Variants in PLEKHA7 observed in about 807,000 individuals in gnomAD.
The protein encoded by PLEKHA7 is pleckstrin homology domain containing A7.
Under a neutral mutation model 170.0 loss-of-function variants are expected in PLEKHA7, and 104 were observed. The ratio of observed to expected loss-of-function variants is 0.61; its 90% CI spans 0.52 to 0.72. The LOEUF is 0.72. Among genes scored for constraint, PLEKHA7 ranks in the 30% least tolerant of loss-of-function variants. The pLI is 0.00. For missense variants in PLEKHA7, 1,615 were observed against 1,671.7 expected (o/e 0.97, Z 0.59); for synonymous variants, 648 against 660.8 (o/e 0.98, Z 0.30).
At chr11:16,905,525 ACTT>A (rs1857602436) in intron 3 of PLEKHA7, among the ~76,000 whole-genome samples, 1 of 152,148 alleles carries the variant, frequency 6.6e-6, no homozygotes, top group Admixed American at 6.5e-5. Context: ...CTCCAAGCTG[ACTT>A]CTTTGCAGCA....
chr11:16,996,005 C>T (rs1167306737), intron 3 of PLEKHA7, among the ~76,000 whole-genome samples: 2 of 152,134 alleles, frequency 1.3e-5, no homozygotes, highest in African/African-American at 2.4e-5. Context: ...AGAGTCCCTG[C>T]AGAAGTCAAG....
At chr11:16,947,598 A>C (rs1244358153) in intron 3 of PLEKHA7, among the ~76,000 whole-genome samples, 1 of 140,908 alleles carries the variant, frequency 7.1e-6, no homozygotes, top group African/African-American at 2.6e-5. Flanking sequence ...CTAAAAAAAA[A>C]AAAAAGAAAG....
At chr11:16,991,940 G>A (rs1465526787) in intron 3 of PLEKHA7, among the ~76,000 whole-genome samples, 1 of 152,188 alleles carries the variant, frequency 6.6e-6, no homozygotes, top group African/African-American at 2.4e-5. Flanking sequence ...TCTGATTCTG[G>A]ATAAATTTCA....
intron 16 of PLEKHA7, 105 bp downstream of exon 16, chr11:16,801,563 G>T: frequency 1.4e-6 from 2 of 1,393,304 alleles, no homozygotes; most frequent in Non-Finnish European, 2.0e-6. Context: ...GCTATTTCAG[G>T]ACTCTTGCCT....
rs1565175918 is a variant in PLEKHA7, at chr11:16,980,000, C to A, written c.221+33989G>T. On this transcript the variant is annotated intron_variant, in intron 3 of 26. Transcript: ENST00000531066. ...GAGAAGCAAGGGGTCCTGCCACAGGCAGACTAGAGGGAGGCAAAAATGGGT... is the reference window on the plus strand; with the variant it reads ...GAGAAGCAAGGGGTCCTGCCACAGGAAGACTAGAGGGAGGCAAAAATGGGT... 2.0e-5 allele frequency among the ~76,000 whole-genome samples: 3 copies of A among 152,292 alleles called. No individual in the cohort carries two copies. In the South Asian group the frequency reaches 6.2e-4, roughly 32 times the overall value.
At chr11:16,956,033 G>A (rs978238148) in intron 3 of PLEKHA7, among the ~76,000 whole-genome samples, 1 of 152,198 alleles carries the variant, frequency 6.6e-6, no homozygotes, top group African/African-American at 2.4e-5. Flanking sequence ...TTAGGGATGA[G>A]TATGGTAAGT....
At chr11:16,980,084 T>C (rs965546169) in intron 3 of PLEKHA7, among the ~76,000 whole-genome samples, 12 of 152,230 alleles carry the variant, frequency 7.9e-5, no homozygotes, top group Non-Finnish European at 1.5e-5. Flanking sequence ...AAGGAACCCC[T>C]ACTTAGACCT....
intron 3 of PLEKHA7, among the ~76,000 whole-genome samples, chr11:16,971,604 A>G (rs987151694): frequency 6.6e-5 from 10 of 152,330 alleles, no homozygotes; most frequent in African/African-American, 2.4e-4. Context: ...GACATATCCA[A>G]GTTCAGTTGA....
chr11:16,790,840 G>T lies in PLEKHA7; in HGVS notation c.3010C>A (p.Leu1004Ile). The T allele has an allele frequency of 6.2e-7, 1 of 1,609,962 alleles. No individual in the cohort carries two copies. Among genetic ancestry groups the T allele is most frequent in the East Asian group, 2.2e-5 (1 of 44,662 alleles). ...SGDMAQPSLG[L>I]VGPESRYQTL... The stretch of plus-strand genomic sequence containing the variant: ...TGGTACCTGCTCTCAGGGCCCACAA[G>T]TCCTAGGGAGGGCTGGGCCATGTCC... The change falls in exon 21 of 27, where the codon CTT (leucine) becomes ATT (isoleucine). Residue 1004 changes from leucine (L) to isoleucine (I), a missense_variant. Coordinates refer to ENST00000531066, the MANE Select transcript of PLEKHA7 (RefSeq NM_001329630.2).
intron 3 of PLEKHA7, among the ~76,000 whole-genome samples, chr11:16,966,256 G>A (rs1028297614): frequency 2.6e-5 from 4 of 151,936 alleles, no homozygotes; most frequent in Admixed American, 2.6e-4. Context: ...GAGGACAGAT[G>A]CAGAAATGGG....
chr11:16,941,046 C>G (rs1860662700), intron 3 of PLEKHA7, among the ~76,000 whole-genome samples: 1 of 152,156 alleles, frequency 6.6e-6, no homozygotes, highest in Admixed American at 6.5e-5. Flanking sequence ...GCACTTACCT[C>G]CAAGAAATAA....
At chr11:16,795,597 C>T (rs1326624458) in intron 17 of PLEKHA7, among the ~76,000 whole-genome samples, 1 of 151,978 alleles carries the variant, frequency 6.6e-6, no homozygotes, top group Admixed American at 6.6e-5. Context: ...TGAGACCAGC[C>T]TGGCCAACAT....
intron 23 of PLEKHA7, chr11:16,788,824 C>T (rs1007710472): frequency 3.9e-5 from 21 of 542,476 alleles, no homozygotes; most frequent in Admixed American, 6.5e-5. Context: ...CTGCAAAGGC[C>T]CCTCTCCATC....
intron 3 of PLEKHA7, among the ~76,000 whole-genome samples, chr11:16,906,828 C>T (rs1444523455): frequency 7.3e-6 from 1 of 136,206 alleles, no homozygotes; most frequent in Non-Finnish European, 1.5e-5. Context: ...GCTGCCCAGT[C>T]TGGAAAGTGA....
chr11:16,793,975 G>A (rs1343628242), intron 19 of PLEKHA7, among the ~76,000 whole-genome samples: 2 of 152,214 alleles, frequency 1.3e-5, no homozygotes, highest in African/African-American at 2.4e-5. Context: ...GTGGAATGGG[G>A]ATACTGCTCT....
intron 8 of PLEKHA7, among the ~76,000 whole-genome samples, chr11:16,843,147 C>T (rs11024054): frequency 2.0e-5 from 3 of 152,086 alleles, no homozygotes; most frequent in African/African-American, 4.8e-5. Flanking sequence ...GTTGAAAGAA[C>T]GAAGAGTTAG....
At chr11:16,946,670 G>A (rs971060006) in intron 3 of PLEKHA7, among the ~76,000 whole-genome samples, 1 of 152,068 alleles carries the variant, frequency 6.6e-6, no homozygotes, top group Non-Finnish European at 1.5e-5. Context: ...GAAGGCTCTA[G>A]GTTTTGAAGT....
At chr11:16,795,067 T>G (rs1848126876) in intron 17 of PLEKHA7, 49 bp from the exon 18 acceptor site, 12 of 1,319,140 alleles carry the variant, frequency 9.1e-6, no homozygotes, top group African/African-American at 1.4e-5. Context: ...CTTACAAGTT[T>G]CTTCTTAGGA....
At chr11:16,947,589 TAAAA>T (rs79807953) in intron 3 of PLEKHA7, among the ~76,000 whole-genome samples, 4 of 107,924 alleles carry the variant, frequency 3.7e-5, no homozygotes, top group Admixed American at 1.0e-4. Flanking sequence ...AGACTCCACC[TAAAA>T]AAAAAAAAAA....
Sources: allele counts gnomAD v4.1 joint callset (sites outside exome capture counted in the v4.1 genomes callset), GRCh38; gene constraint gnomAD v4.1.1; transcripts MANE v1.5; gene names NCBI Gene and HGNC (gene_info 2026-07-23, HGNC 2026-07-21).